The following CASD1 variants were observed in gnomAD, a reference collection of about 807,000 sequenced individuals.
The protein encoded by CASD1 is CAS1 domain sialic acid O acetyltransferase 1.
In CASD1, 41 loss-of-function variants were observed where a neutral mutation model predicts 100.0. That is an observed-to-expected ratio of 0.41 (90% CI 0.32 to 0.53). The LOEUF (loss-of-function observed/expected upper bound fraction) is 0.53, where lower values mean the gene tolerates loss of function less well. Among genes scored for constraint, CASD1 ranks in the 20% least tolerant of loss-of-function variants. CASD1 has a pLI of 0.25. For missense variants in CASD1, 774 were observed against 948.7 expected (o/e 0.82, Z 2.42); for synonymous variants, 321 against 315.6 (o/e 1.02, Z -0.18).
At chr7:94,599,306 G>A in the CASD1 span, 19 of 287,010 alleles carry the variant, frequency 6.6e-5, no homozygotes, top group Admixed American at 8.1e-4. Context: ...TGCTTCTGGT[G>A]GGGCATTTAT....
At chr7:94,586,061 G>GAAAA in the CASD1 span, among the ~76,000 whole-genome samples, 256 of 28,900 alleles carry the variant, frequency 8.9e-3, 7 homozygotes, top group Non-Finnish European at 0.011. Flanking sequence ...GGAACTAAAT[G>GAAAA]AAAAAAAAAA....
chr7:94,581,451 TGC>T, the CASD1 span, among the ~76,000 whole-genome samples: 1 of 152,284 alleles, frequency 6.6e-6, no homozygotes, highest in East Asian at 1.9e-4. Flanking sequence ...CCATATGGTT[TGC>T]TGCACAGATC....
chr7:94,521,154 T>C (rs1428044915), intron 3 of CASD1, among the ~76,000 whole-genome samples: 1 of 152,142 alleles, frequency 6.6e-6, no homozygotes, highest in African/African-American at 2.4e-5. Context: ...TAGAATTGTA[T>C]ACCTGGGGTT....
chr7:94,531,078 A>G (rs1794829128), intron 5 of CASD1, among the ~76,000 whole-genome samples: 1 of 152,192 alleles, frequency 6.6e-6, no homozygotes, highest in Admixed American at 6.6e-5. Flanking sequence ...AGAAATTGGC[A>G]TAGTGAGGGC....
chr7:94,512,983 G>A (rs1283113727), intron 1 of CASD1, among the ~76,000 whole-genome samples: 4 of 152,182 alleles, frequency 2.6e-5, no homozygotes, highest in Non-Finnish European at 5.9e-5. Context: ...AGACAGTGGG[G>A]AGTATAGAAG....
Position 94,555,564 on chromosome 7 carries a change from C to T in CASD1, c.2200C>T (p.Pro734Ser), listed in dbSNP as rs138867564. 10 of 1,613,380 alleles carry T rather than the reference C, an allele frequency of 6.2e-6. No homozygotes were observed. The highest frequency in any genetic ancestry group is 1.7e-4 in the Middle Eastern group (1 of 6,056). The change falls in exon 18 of 18, where the codon CCT becomes TCT. Residue 734 changes from proline to serine, a missense_variant. By Grantham distance (74) the Pro-to-Ser change is moderately conservative (BLOSUM62 -1). This residue lies in a region of CASD1 where 175 missense variants were observed against 206.9 expected (regional missense o/e 0.85). Transcript: ENST00000297273. ...RGILVLIPGN[P>S]MLNIIVSTFI... ...TATCTTGGTACTGATACCTGGAAAC[C>T]CTATGCTCAACATCATTGTCAGCAC... is the stretch of plus-strand genomic sequence containing the variant.
the CASD1 span, chr7:94,599,310 C>A: frequency 1.7e-5 from 5 of 287,324 alleles, no homozygotes; most frequent in East Asian, 2.2e-4. Context: ...TCTGGTGGGG[C>A]ATTTATAAAT....
chr7:94,528,219 C>A lies in CASD1; in HGVS notation c.428C>A (p.Ser143Tyr). 6.2e-7 allele frequency: 1 copy of A among 1,607,436 alleles called. No individual in the cohort carries two copies. The highest frequency in any genetic ancestry group is 8.5e-7 in the Non-Finnish European group (1 of 1,177,040). The change falls in exon 5 of 18, where the codon TCT (serine) becomes TAT (tyrosine). Residue 143 changes from serine (S) to tyrosine (Y), a missense_variant. Around this residue, in one of 5 missense-constraint regions of CASD1, gnomAD observed 61 missense variants for 115.9 expected, o/e 0.53. Transcript: ENST00000297273. ...DFLWHPEVNG[S>Y]MKQCIKVWTE... is the part of the protein sequence containing the mutation. ...CTGTGGCATCCTGAAGTTAATGGTT[C>A]TATGAAACAGTGTATCAAAGTGTGG...
At chr7:94,562,894 C>A in the CASD1 span, among the ~76,000 whole-genome samples, 1 of 152,072 alleles carries the variant, frequency 6.6e-6, no homozygotes, top group Non-Finnish European at 1.5e-5. Flanking sequence ...CTCAGCTGAC[C>A]CCCTTTTTTT....
chr7:94,579,776 A>G, the CASD1 span, among the ~76,000 whole-genome samples: 2 of 152,178 alleles, frequency 1.3e-5, no homozygotes, highest in East Asian at 1.9e-4. Flanking sequence ...TCATAGCACC[A>G]GTCCGAACCT....
chr7:94,535,932 A>G (rs1278369303), intron 8 of CASD1, among the ~76,000 whole-genome samples: 1 of 152,128 alleles, frequency 6.6e-6, no homozygotes, highest in African/African-American at 2.4e-5. Flanking sequence ...TGCTGAAAAT[A>G]TTTTTTATTA....
chr7:94,607,412 A>T, the CASD1 span, among the ~76,000 whole-genome samples: 12 of 152,196 alleles, frequency 7.9e-5, no homozygotes. Context: ...TCAACAAAAT[A>T]TTAGCAAATC....
chr7:94,563,602 TTA>T, the CASD1 span, among the ~76,000 whole-genome samples: 2 of 126,832 alleles, frequency 1.6e-5, no homozygotes, highest in African/African-American at 5.3e-5. Flanking sequence ...GTTTTGACTG[TTA>T]TTTCTTACAT....
the CASD1 span, chr7:94,586,790 C>G: frequency 2.0e-6 from 2 of 979,164 alleles, no homozygotes; most frequent in Non-Finnish European, 2.4e-6. Flanking sequence ...GTGTGAGCCA[C>G]CGCACCCAGC....
At position 94,509,881 on chromosome 7, in the gene CASD1, G is replaced by C. The variant is rs1050853649; in HGVS notation, c.-204G>C. ...GCGGCGGGGCTGGGGGGAGGCCGCC[G>C]AGTCGGCCGCGGCCGAGGAGGGGCA... On this transcript the variant is annotated 5_prime_UTR_variant, in exon 1 of 18. Coordinates refer to ENST00000297273, the MANE Select transcript of CASD1 (RefSeq NM_022900.5). 9.6e-7 allele frequency: 1 copy of C among 1,043,002 alleles called. No individual in the cohort carries two copies. Among genetic ancestry groups the C allele is most frequent in the Non-Finnish European group, 1.2e-6 (1 of 868,010 alleles). 64.6% of individuals were successfully genotyped at this position (1,043,002 alleles called of 1,614,324 possible).
chr7:94,527,356 T>C, intron 4 of CASD1, 150 bp downstream of exon 4: 1 of 595,820 alleles, frequency 1.7e-6, no homozygotes, highest in Non-Finnish European at 2.9e-6. Context: ...TTATTTTATG[T>C]AATGGTCTCA....
chr7:94,535,846 C>A (rs1795090883), intron 8 of CASD1, among the ~76,000 whole-genome samples: 1 of 152,216 alleles, frequency 6.6e-6, no homozygotes, highest in South Asian at 2.1e-4. Context: ...CATGTAAAAA[C>A]TACTGCTTCT....
chr7:94,549,245 A>C (rs17478131), intron 13 of CASD1, among the ~76,000 whole-genome samples: 2,224 of 152,056 alleles, frequency 0.015, 24 homozygotes, highest in Non-Finnish European at 0.025. Flanking sequence ...GGGGCTTAAG[A>C]AAATTTTACA....
chr7:94,535,547 G>T (rs372925684), intron 8 of CASD1, 24 bp downstream of exon 8: 1 of 1,497,542 alleles, frequency 6.7e-7, no homozygotes, highest in East Asian at 2.3e-5. Flanking sequence ...ACATATGTCA[G>T]TAGATGGAGA....
Sources: gnomAD v4.1 joint callset for allele counts (sites outside exome capture counted in the v4.1 genomes callset) on GRCh38, gnomAD v4.1.1 for gene constraint, gnomAD v4.1.1 regional missense constraint, MANE v1.5 for transcripts, NCBI Gene and HGNC (gene_info 2026-07-23, HGNC 2026-07-21) for gene names.